The following C10orf90 variants were observed in gnomAD, a reference collection of about 807,000 sequenced individuals.
The protein encoded by C10orf90 is chromosome 10 open reading frame 90, also known as (E2-independent) E3 ubiquitin-conjugating enzyme FATS.
In C10orf90, 56 loss-of-function variants were observed where a neutral mutation model predicts 62.5. The ratio of observed to expected loss-of-function variants is 0.90; its 90% CI spans 0.72 to 1.12. The LOEUF (loss-of-function observed/expected upper bound fraction) is 1.12, where lower values mean the gene tolerates loss of function less well. C10orf90 is among the 50% of genes most tolerant of loss of function. The pLI is 0.00. For missense variants in C10orf90, 970 were observed against 880.4 expected (o/e 1.10, Z -1.29); for synonymous variants, 386 against 340.4 (o/e 1.13, Z -1.47).
At chr10:126,608,777 T>C (rs577093714) in intron 2 of C10orf90, among the ~76,000 whole-genome samples, 1 of 152,344 alleles carries the variant, frequency 6.6e-6, no homozygotes, top group African/African-American at 2.4e-5. Flanking sequence ...AAAATTATAG[T>C]TATTTTTTAA....
chr10:126,485,997 T>G (rs904574736), intron 4 of C10orf90, among the ~76,000 whole-genome samples: 2 of 151,512 alleles, frequency 1.3e-5, no homozygotes, highest in Admixed American at 1.3e-4. Context: ...TTTAAAAATA[T>G]ATGGCTCAGC....
chr10:126,452,710 A>G (rs1172332668), intron 7 of C10orf90, among the ~76,000 whole-genome samples: 3 of 152,242 alleles, frequency 2.0e-5, no homozygotes. Flanking sequence ...AAAAACATAA[A>G]ACCTCACAGT....
At chr10:126,637,659 T>C (rs568071085) in intron 2 of C10orf90, among the ~76,000 whole-genome samples, 1 of 152,246 alleles carries the variant, frequency 6.6e-6, no homozygotes, top group African/African-American at 2.4e-5. Flanking sequence ...CATGGCCACT[T>C]GGCAGGATGG....
At chr10:126,461,637 G>T (rs17154818) in intron 5 of C10orf90, 52 bp from the exon 6 acceptor site, 6 of 1,557,132 alleles carry the variant, frequency 3.9e-6, no homozygotes, top group South Asian at 1.2e-5. Context: ...TGATTTTCAC[G>T]TGGCTCCTCA....
At chr10:126,616,252 G>A (rs7094018) in intron 2 of C10orf90, among the ~76,000 whole-genome samples, 7,358 of 152,240 alleles carry the variant, frequency 0.048, 519 homozygotes, top group African/African-American at 0.16. Context: ...TAATAATCAA[G>A]AGTGTACTAC....
At chr10:126,614,673 C>T (rs1045745438) in intron 2 of C10orf90, among the ~76,000 whole-genome samples, 9 of 152,050 alleles carry the variant, frequency 5.9e-5, no homozygotes, top group South Asian at 2.1e-4. Flanking sequence ...CCTTTCAACG[C>T]TAGGGAAGGT....
rs2133982461 is a variant in C10orf90 at position 126,429,806 on chromosome 10, T to C, written c.2233A>G (p.Met745Val). The part of the protein sequence containing the change: ...PKERCISEKE[M>V]HMRSKRIYDN... The stretch of plus-strand genomic sequence containing the variant: ...AAGTACCTCTTAGATCGCATATGCA[T>C]CTCCTTCTCTGAAATGCACCGTTCT... Residue 745 changes from methionine (M) to valine (V), a missense_variant, in exon 8 of 10, where the codon ATG (methionine) becomes GTG (valine). Coordinates refer to ENST00000488181, the MANE Select transcript of C10orf90 (RefSeq NM_001350921.2). The C allele has an allele frequency of 6.2e-7, 1 of 1,614,042 alleles. No individual in the cohort carries two copies. Among genetic ancestry groups the C allele is most frequent in the South Asian group, 1.1e-5 (1 of 91,068 alleles).
intron 1 of C10orf90, among the ~76,000 whole-genome samples, chr10:126,660,457 A>G (rs1846486713): frequency 6.6e-6 from 1 of 152,216 alleles, no homozygotes; most frequent in African/African-American, 2.4e-5. Flanking sequence ...CAGGGACCTG[A>G]AGCAGTCCTC....
At chr10:126,551,670 C>T (rs1375496565) in intron 2 of C10orf90, among the ~76,000 whole-genome samples, 1 of 152,204 alleles carries the variant, frequency 6.6e-6, no homozygotes, top group Non-Finnish European at 1.5e-5. Context: ...ACTTATGTTT[C>T]AGACCACAGG....
rs1196569277 is a variant in C10orf90, at chr10:126,649,034, G to GTCTC, written c.241-2401_241-2398dup. On this transcript the variant is annotated intron_variant, in intron 1 of 9. Transcript: ENST00000488181. ...GATATCTCTCTCTCTCTCTGTCTCT[G>GTCTC]TCTCTCTCTCTCTCTCTCTCTCTCT... Among the ~76,000 whole-genome samples, 212 of 26,532 alleles carry GTCTC rather than the reference G, an allele frequency of 8.0e-3. 1 individual carries two copies. The highest frequency in any genetic ancestry group is 0.043 in the East Asian group (38 of 882). 17.4% of individuals were successfully genotyped at this position (26,532 alleles called of 152,430 possible).
intron 2 of C10orf90, among the ~76,000 whole-genome samples, chr10:126,640,842 G>A (rs1049955237): frequency 2.0e-5 from 3 of 152,242 alleles, no homozygotes; most frequent in Non-Finnish European, 4.4e-5. Context: ...GCTATGCCAA[G>A]GAGCTTATAT....
intron 4 of C10orf90, among the ~76,000 whole-genome samples, chr10:126,494,579 T>C (rs563190192): frequency 6.6e-6 from 1 of 152,328 alleles, no homozygotes; most frequent in South Asian, 2.1e-4. Context: ...ACAGGCTCAG[T>C]GCAGGCTCTG....
chr10:126,588,246 G>T (rs1267429327), intron 2 of C10orf90, among the ~76,000 whole-genome samples: 1 of 152,238 alleles, frequency 6.6e-6, no homozygotes, highest in Non-Finnish European at 1.5e-5. Context: ...AGTCTCTGTG[G>T]TTCAGATGAC....
intron 2 of C10orf90, among the ~76,000 whole-genome samples, chr10:126,618,627 C>G (rs1348538378): frequency 6.6e-6 from 1 of 152,038 alleles, no homozygotes; most frequent in African/African-American, 2.4e-5. Flanking sequence ...GTCAAATGAC[C>G]TCAGTTCCTT....
intron 2 of C10orf90, among the ~76,000 whole-genome samples, chr10:126,557,479 CAA>C (rs11413093): frequency 7.6e-6 from 1 of 131,580 alleles, no homozygotes. Context: ...GACTCCATCT[CAA>C]AAAAAAAAAA....
At chr10:126,513,384 T>C (rs1429732065) in intron 3 of C10orf90, among the ~76,000 whole-genome samples, 1 of 152,238 alleles carries the variant, frequency 6.6e-6, no homozygotes, top group Non-Finnish European at 1.5e-5. Context: ...GTATGATACA[T>C]TGACGATATT....
intron 3 of C10orf90, among the ~76,000 whole-genome samples, chr10:126,508,049 A>G (rs1591038429): frequency 6.6e-6 from 1 of 152,066 alleles, no homozygotes; most frequent in African/African-American, 2.4e-5. Context: ...AAAAAAAAAA[A>G]AGACCCACTT....
chr10:126,506,992 T>C (rs1862775999), intron 3 of C10orf90, among the ~76,000 whole-genome samples: 2 of 151,480 alleles, frequency 1.3e-5, no homozygotes, highest in Admixed American at 1.3e-4. Flanking sequence ...GTCCTCAGAG[T>C]CAGGCATGGG....
chr10:126,594,108 C>CTTTTTTTT (rs5788794), intron 2 of C10orf90, among the ~76,000 whole-genome samples: 2 of 132,072 alleles, frequency 1.5e-5, no homozygotes, highest in African/African-American at 2.8e-5. Context: ...ACCAGGCTTG[C>CTTTTTTTT]TTTTTTTTTT....
Sources: allele counts gnomAD v4.1 joint callset (sites outside exome capture counted in the v4.1 genomes callset), GRCh38; gene constraint gnomAD v4.1.1; transcripts MANE v1.5; gene names NCBI Gene and HGNC (gene_info 2026-07-23, HGNC 2026-07-21).